C16orf95: variants seen among roughly 807,000 people sequenced by gnomAD.
The protein encoded by C16orf95 is chromosome 16 open reading frame 95.
C16orf95 carries 41 observed loss-of-function variants against 32.1 expected under a neutral mutation model. The observed-to-expected ratio is 1.28, with a 90% CI of 1.00 to 1.66. The LOEUF (loss-of-function observed/expected upper bound fraction) is 1.66. C16orf95 is among the 40% of genes most tolerant of loss of function. The pLI is 0.00. For missense variants in C16orf95, 399 were observed against 325.9 expected, an observed-to-expected ratio of 1.22 and a Z score of -1.73; for synonymous variants, 147 against 128.9, an observed-to-expected ratio of 1.14 and a Z score of -0.95.
chr16:87,310,047 T>C (rs965561880), intron 5 of C16orf95, among the ~76,000 whole-genome samples: 3 of 152,144 alleles, frequency 2.0e-5, no homozygotes, highest in Admixed American at 6.5e-5. Context: ...GTTGGTTTCA[T>C]CCAGAGAACC....
Position 87,302,986 on chromosome 16 carries a change from G to A in C16orf95, c.*71C>T. On this transcript the variant is annotated 3_prime_UTR_variant, in exon 7 of 7. Transcript: ENST00000567970. ...GACTGTCACAGACGCCTCCTGATTG[G>A]TGGACTCTCAAAGATCTTGATCGTG... The A allele has an allele frequency of 1.4e-6, 2 of 1,469,638 alleles. No individual in the cohort carries two copies. The highest frequency in any genetic ancestry group is 9.2e-7 in the Non-Finnish European group (1 of 1,086,096). 91.0% of individuals were successfully genotyped at this position (1,469,638 alleles called of 1,614,324 possible). A position where few individuals can be genotyped will look rare whatever the true frequency, so the allele number is the denominator to read the frequency against.
At position 87,309,372 on chromosome 16, in the gene C16orf95, C is replaced by A. The variant is rs112563205; in HGVS notation, c.514+925G>T. ...TATGCATTTTCTTTTTCTTTCTTTT[C>A]TTTTTTTTTTTTTTTTTTTTTTTTT... On this transcript the variant is annotated intron_variant, in intron 5 of 6. Transcript: ENST00000567970. Among the ~76,000 whole-genome samples the A allele has an allele frequency of 1.4e-4, 12 of 86,028 alleles. No homozygotes were observed. The East Asian group carries it at 2.7e-3, about 20-fold the overall frequency. 56.4% of individuals were successfully genotyped at this position (86,028 alleles called of 152,430 possible).
At chr16:87,314,350 C>T (rs943251645) in intron 3 of C16orf95, among the ~76,000 whole-genome samples, 1 of 152,144 alleles carries the variant, frequency 6.6e-6, no homozygotes, top group Non-Finnish European at 1.5e-5. Context: ...ACTATTGATG[C>T]CCATGATCAC....
At chr16:87,312,098 C>T (rs1043296162) in intron 3 of C16orf95, among the ~76,000 whole-genome samples, 5 of 152,186 alleles carry the variant, frequency 3.3e-5, no homozygotes, top group Admixed American at 6.5e-5. Context: ...AGTTCCTCAC[C>T]CTCCCTAAAG....
chr16:87,306,984 T>C (rs1195951307), intron 5 of C16orf95, among the ~76,000 whole-genome samples: 1 of 152,206 alleles, frequency 6.6e-6, no homozygotes, highest in African/African-American at 2.4e-5. Flanking sequence ...CATATGTGAT[T>C]CTACGGTTCG....
At chr16:87,311,318 G>A (rs887401046) in intron 3 of C16orf95, 22 bp from the exon 4 acceptor site, 6 of 1,510,692 alleles carry the variant, frequency 4.0e-6, no homozygotes, top group Admixed American at 4.0e-5. Context: ...GATGGGAGGA[G>A]AAGATTCAGA....
In C16orf95 at chr16:87,310,349, G is replaced by A. The variant is rs1006650018; in HGVS notation, c.478-16C>T. On this transcript the variant is annotated splice_polypyrimidine_tract_variant and intron_variant, in intron 4 of 6. Transcript: ENST00000567970. ...TCCTGACTATCTAAAAGACAAGAAT[G>A]GAGGCAAGCAGTCAGCCTGGCGACC... 27 of 1,535,896 alleles carry A rather than the reference G, an allele frequency of 1.8e-5. No homozygotes were observed. The African/African-American group carries it at 3.4e-4, about 19-fold the overall frequency.
chr16:87,309,372 C>CTTTTTTTTT (rs10551847), intron 5 of C16orf95, among the ~76,000 whole-genome samples: 2,066 of 86,052 alleles, frequency 0.024, 135 homozygotes, highest in African/African-American at 0.025. Context: ...TCTTTCTTTT[C>CTTTTTTTTT]TTTTTTTTTT....
At chr16:87,312,330 A>C (rs1911317367) in intron 3 of C16orf95, among the ~76,000 whole-genome samples, 1 of 152,212 alleles carries the variant, frequency 6.6e-6, no homozygotes, top group Non-Finnish European at 1.5e-5. Flanking sequence ...GCATTTTGGG[A>C]GGCCAAGGCA....
chr16:87,313,831 T>C (rs1911389640), intron 3 of C16orf95, among the ~76,000 whole-genome samples: 1 of 151,944 alleles, frequency 6.6e-6, no homozygotes, highest in African/African-American at 2.4e-5. Context: ...TAAAGAACTA[T>C]CAAAACTCAG....
In C16orf95 at chr16:87,317,044, C is replaced by A. The variant is rs930977390; in HGVS notation, c.152+47G>T. On this transcript the variant is annotated intron_variant, in intron 1 of 6. Coordinates refer to ENST00000567970, the MANE Select transcript of C16orf95 (RefSeq NM_001195124.3). ...GGAGCAATGCCGGGCCGGGAACTCACAGGCGAGGTGTCGGGTAGCCGCGGG... is the reference window on the plus strand; with the variant it reads ...GGAGCAATGCCGGGCCGGGAACTCAAAGGCGAGGTGTCGGGTAGCCGCGGG... 5 of 1,465,504 alleles carry A rather than the reference C, an allele frequency of 3.4e-6. No homozygotes were observed. The African/African-American group carries it at 5.6e-5, about 16-fold the overall frequency. The allele number at this position is 1,465,504 out of a possible 1,614,324, so 90.8% of individuals were successfully genotyped here. A position where few individuals can be genotyped will look rare whatever the true frequency, so the allele number is the denominator to read the frequency against.
chr16:87,310,709 C>T (rs1034731647), intron 4 of C16orf95, among the ~76,000 whole-genome samples: 2 of 152,150 alleles, frequency 1.3e-5, no homozygotes, highest in Non-Finnish European at 2.9e-5. Flanking sequence ...CGGGCACCCT[C>T]CTTCCCACCT....
chr16:87,304,558 G>C (rs753220030), intron 6 of C16orf95, among the ~76,000 whole-genome samples: 2 of 152,276 alleles, frequency 1.3e-5, no homozygotes, highest in Admixed American at 6.5e-5. Context: ...CTGTTGCCCA[G>C]GTACTGCTCA....
At position 87,314,823 on chromosome 16, in the gene C16orf95, A is replaced by G. The variant is rs1904305553; in HGVS notation, c.330+148T>C. 6 of 838,534 alleles carry G rather than the reference A, an allele frequency of 7.2e-6. 1 individual carries two copies. Among genetic ancestry groups the G allele is most frequent in the Non-Finnish European group, 8.9e-6 (5 of 563,502 alleles). The allele number at this position is 838,534 out of a possible 1,614,324, so 51.9% of individuals were successfully genotyped here. A position where few individuals can be genotyped will look rare whatever the true frequency, so the allele number is the denominator to read the frequency against. Reference sequence around the variant, plus strand: ...AACGACAGCACATTACCCATCTGACATGAAAATAAATAAATAAATAATATC... The same window carrying G: ...AACGACAGCACATTACCCATCTGACGTGAAAATAAATAAATAAATAATATC... On this transcript the variant is annotated intron_variant, in intron 3 of 6. Coordinates refer to ENST00000567970, the MANE Select transcript of C16orf95 (RefSeq NM_001195124.3).
intron 3 of C16orf95, among the ~76,000 whole-genome samples, chr16:87,312,500 C>T (rs541727885): frequency 4.9e-5 from 7 of 141,496 alleles, no homozygotes; most frequent in East Asian, 2.1e-4. Context: ...ACCTGGGAGA[C>T]GGAGTTTGCA....
At chr16:87,314,064 C>T (rs1443203639) in intron 3 of C16orf95, among the ~76,000 whole-genome samples, 2 of 152,128 alleles carry the variant, frequency 1.3e-5, no homozygotes, top group Admixed American at 6.5e-5. Context: ...GAACTTTAGA[C>T]ACTGCTAGTA....
chr16:87,308,769 G>A (rs1045598619), intron 5 of C16orf95, among the ~76,000 whole-genome samples: 1 of 152,204 alleles, frequency 6.6e-6, no homozygotes, highest in African/African-American at 2.4e-5. Context: ...CACTTCTTTA[G>A]AATTTCCACT....
At chr16:87,315,203 G>GACCCTGCCCCC in intron 2 of C16orf95, 107 bp from the exon 3 acceptor site, 1 of 1,213,928 alleles carries the variant, frequency 8.2e-7, no homozygotes, top group Non-Finnish European at 1.1e-6. Context: ...GGTGTCCGGG[G>GACCCTGCCCCC]GCAGGGTCCC....
chr16:87,306,060 C>A (rs548675512), intron 5 of C16orf95, 155 bp from the exon 6 acceptor site: 2 of 494,576 alleles, frequency 4.0e-6, no homozygotes, highest in Non-Finnish European at 3.4e-6. Flanking sequence ...CCGGAGCTCA[C>A]GAGATAAAGG....
Sources: allele counts gnomAD v4.1 joint callset (sites outside exome capture counted in the v4.1 genomes callset), GRCh38; gene constraint gnomAD v4.1.1; transcripts MANE v1.5; gene names NCBI Gene and HGNC (gene_info 2026-07-23, HGNC 2026-07-21).